LGR6: variants seen among roughly 807,000 people sequenced by gnomAD.
LGR6 encodes the protein leucine rich repeat containing G protein-coupled receptor 6.
Under a neutral mutation model 69.4 loss-of-function variants are expected in LGR6, and 45 were observed. The observed-to-expected ratio is 0.65, with a 90% CI of 0.51 to 0.83. LGR6 has a LOEUF of 0.83. LGR6 is among the 40% of genes least tolerant of loss of function. LGR6 has a pLI of 0.00. For synonymous variants in LGR6, 538 were observed against 555.0 expected, an observed-to-expected ratio of 0.97 and a Z score of 0.43; for missense variants, 1,108 against 1,246.7, an observed-to-expected ratio of 0.89 and a Z score of 1.68.
intron 7 of LGR6, among the ~76,000 whole-genome samples, chr1:202,298,347 G>C (rs974155097): frequency 6.6e-6 from 1 of 152,092 alleles, no homozygotes; most frequent in Non-Finnish European, 1.5e-5. Flanking sequence ...GAAATTGTAG[G>C]TAAAGACCCA....
chr1:202,248,100 G>A (rs915769229), intron 4 of LGR6, among the ~76,000 whole-genome samples: 4 of 152,228 alleles, frequency 2.6e-5, no homozygotes, highest in East Asian at 1.9e-4. Context: ...CACAGCAACC[G>A]GAAAAGGCGG....
chr1:202,307,326 G>T lies in LGR6; in HGVS notation c.1209-4G>T, dbSNP rs544861799. On this transcript the variant is annotated splice_region_variant and splice_polypyrimidine_tract_variant and intron_variant, in intron 13 of 17. Coordinates refer to ENST00000367278, the MANE Select transcript of LGR6 (RefSeq NM_001017403.2). Reference sequence around the variant, plus strand: ...CCCTCCTGTCACACCCTCTCTGCCTGCAGGGATCTTAGCTGGAACGCCATC... The same window carrying T: ...CCCTCCTGTCACACCCTCTCTGCCTTCAGGGATCTTAGCTGGAACGCCATC... 3 of 1,614,040 alleles carry T rather than the reference G, an allele frequency of 1.9e-6. No homozygotes were observed. Among genetic ancestry groups the T allele is most frequent in the Non-Finnish European group, 2.5e-6 (3 of 1,179,918 alleles).
chr1:202,314,668 T>A, intron 16 of LGR6, 134 bp from the exon 17 acceptor site: 1 of 662,528 alleles, frequency 1.5e-6, no homozygotes. Flanking sequence ...GAAATGGATG[T>A]GCCGGGTTGC....
rs1336661376 is a variant in LGR6, at chr1:202,314,703, T to G, written c.1568-99T>G. On this transcript the variant is annotated intron_variant, in intron 16 of 17. Coordinates refer to ENST00000367278, the MANE Select transcript of LGR6 (RefSeq NM_001017403.2). ...CTAGAATGAACAGTGCTGAGCAGAG[T>G]TAGTAAGGGACATCTTAAAGGAGGG... 4 of 817,916 alleles carry G rather than the reference T, an allele frequency of 4.9e-6. No individual in the cohort carries two copies. In the African/African-American group the frequency reaches 5.0e-5, roughly 10 times the overall value. 50.7% of individuals were successfully genotyped at this position (817,916 alleles called of 1,614,324 possible).
At chr1:202,266,813 T>G (rs1664702414) in intron 4 of LGR6, among the ~76,000 whole-genome samples, 1 of 152,134 alleles carries the variant, frequency 6.6e-6, no homozygotes, top group Non-Finnish European at 1.5e-5. Flanking sequence ...CCTCCGTGGC[T>G]GAAGGTTCCA....
In LGR6 at chr1:202,318,835, C is replaced by T. The variant is rs768029439; in HGVS notation, c.2532C>T (p.Arg844=). Residue 844 remains arginine (R), a synonymous_variant, in exon 18 of 18, where the codon CGC becomes CGT. Coordinates refer to ENST00000367278, the MANE Select transcript of LGR6 (RefSeq NM_001017403.2). ...FRDDLRRLRP[R]AGDSGPLAYA... ...ATGACCTTCGGCGGCTTCGGCCCCG[C>T]GCAGGGGACTCAGGGCCCCTAGCCT... 57 of 1,613,220 alleles carry T rather than the reference C, an allele frequency of 3.5e-5. No homozygotes were observed. Among genetic ancestry groups the T allele is most frequent in the East Asian group, 4.5e-5 (2 of 44,882 alleles).
intron 5 of LGR6, among the ~76,000 whole-genome samples, chr1:202,276,985 G>A (rs1440652236): frequency 6.6e-6 from 1 of 152,152 alleles, no homozygotes; most frequent in East Asian, 1.9e-4. Context: ...TAATTAGACA[G>A]CAAAGCCCCA....
At chr1:202,264,533 C>T (rs919409805) in intron 4 of LGR6, among the ~76,000 whole-genome samples, 4 of 152,158 alleles carry the variant, frequency 2.6e-5, no homozygotes, top group African/African-American at 4.8e-5. Context: ...AGACAGCCCA[C>T]GAAGGTCGCC....
chr1:202,290,905 G>A (rs1471087785), intron 6 of LGR6, among the ~76,000 whole-genome samples: 1 of 152,152 alleles, frequency 6.6e-6, no homozygotes, highest in Non-Finnish European at 1.5e-5. Flanking sequence ...GACTGGACAG[G>A]ATGACTGTAA....
At chr1:202,208,395 GAGA>G (rs1329657461) in intron 1 of LGR6, among the ~76,000 whole-genome samples, 6 of 135,206 alleles carry the variant, frequency 4.4e-5, no homozygotes, top group Non-Finnish European at 9.9e-5. Context: ...AGAGAGAGAG[GAGA>G]AGGAGGGGGG....
At chr1:202,317,882 C>T in intron 17 of LGR6, 70 bp from the exon 18 acceptor site, 2 of 1,411,534 alleles carry the variant, frequency 1.4e-6, no homozygotes, top group Non-Finnish European at 1.9e-6. Flanking sequence ...AATACAGAGG[C>T]TGACCTTGGT....
chr1:202,215,847 A>G (rs1208902547), intron 1 of LGR6, among the ~76,000 whole-genome samples: 1 of 152,240 alleles, frequency 6.6e-6, no homozygotes. Flanking sequence ...GTCTGAGATT[A>G]GGAGATGACA....
intron 16 of LGR6, among the ~76,000 whole-genome samples, chr1:202,312,834 A>C (rs369851771): frequency 6.6e-6 from 1 of 152,184 alleles, no homozygotes; most frequent in Non-Finnish European, 1.5e-5. Context: ...CTAGATTCTC[A>C]TTTCAAAATT....
intron 13 of LGR6, 47 bp from the exon 14 acceptor site, chr1:202,307,282 TC>T (rs1259775074): frequency 6.5e-7 from 1 of 1,547,936 alleles, no homozygotes; most frequent in Admixed American, 1.7e-5. Context: ...GAACAGTGAG[TC>T]CTCCACATGT....
At chr1:202,298,288 C>T (rs1420856570) in intron 7 of LGR6, among the ~76,000 whole-genome samples, 1 of 152,026 alleles carries the variant, frequency 6.6e-6, no homozygotes. Flanking sequence ...AAGGGATGAC[C>T]GGGATTGAGG....
At chr1:202,208,011 T>C (rs1659320178) in intron 1 of LGR6, among the ~76,000 whole-genome samples, 1 of 152,198 alleles carries the variant, frequency 6.6e-6, no homozygotes, top group Admixed American at 6.5e-5. Context: ...TGGGAAATCC[T>C]ACCACTGACC....
Position 202,318,015 on chromosome 1 carries a change from T to C in LGR6, c.1712T>C (p.Ile571Thr). The C allele has an allele frequency of 5.0e-6, 8 of 1,613,976 alleles. No homozygotes were observed. Among genetic ancestry groups the C allele is most frequent in the Non-Finnish European group, 6.8e-6 (8 of 1,179,974 alleles). ...SWGIRLAVWAIVLLSVLCNGL... is the reference protein window; with the variant it reads ...SWGIRLAVWATVLLSVLCNGL... ...GGCATCCGCCTGGCCGTGTGGGCCA[T>C]CGTGTTGCTCTCCGTGCTCTGCAAT... The change falls in exon 18 of 18, where the codon ATC becomes ACC. Residue 571 changes from isoleucine (I) to threonine (T), a missense_variant. Physicochemically the swap from Ile to Thr is moderately conservative, Grantham distance 89. Coordinates refer to ENST00000367278, the MANE Select transcript of LGR6 (RefSeq NM_001017403.2).
intron 6 of LGR6, 37 bp downstream of exon 6, chr1:202,280,889 T>A (rs1443908767): frequency 1.9e-6 from 3 of 1,580,572 alleles, no homozygotes; most frequent in Non-Finnish European, 2.6e-6. Flanking sequence ...CTGTCCTGCC[T>A]GGTGATGAAA....
chr1:202,304,767 C>A (rs761526836), intron 11 of LGR6, 137 bp downstream of exon 11: 6 of 559,436 alleles, frequency 1.1e-5, no homozygotes, highest in Non-Finnish European at 1.9e-5. Flanking sequence ...CTGCTGAGAG[C>A]CTACCCCAGA....
Sources: allele counts gnomAD v4.1 joint callset (sites outside exome capture counted in the v4.1 genomes callset), GRCh38; gene constraint gnomAD v4.1.1; transcripts MANE v1.5; gene names NCBI Gene and HGNC (gene_info 2026-07-23, HGNC 2026-07-21).